SPINK4: variants seen among roughly 807,000 people sequenced by gnomAD.
The protein encoded by SPINK4 is serine peptidase inhibitor Kazal type 4, also known as serine protease inhibitor Kazal-type 4.
Under a neutral mutation model 12.3 loss-of-function variants are expected in SPINK4, and 10 were observed. The observed-to-expected ratio is 0.81, with a 90% confidence interval of 0.50 to 1.37. SPINK4 has a LOEUF of 1.37. Among genes scored for constraint, SPINK4 ranks in the 40% most tolerant of loss-of-function variants. The pLI, the probability that SPINK4 is intolerant of heterozygous loss-of-function variation, is 0.00. For synonymous variants in SPINK4, 37 were observed against 40.2 expected (o/e 0.92, Z 0.30); for missense variants, 91 against 109.0 (o/e 0.84, Z 0.73).
In SPINK4 at chr9:33,241,235, A is replaced by T. The variant is rs547024765; in HGVS notation, c.61+966A>T. 5.3e-5 allele frequency among the ~76,000 whole-genome samples: 8 copies of T among 152,160 alleles called. No individual in the cohort carries two copies. The South Asian group carries it at 1.5e-3, about 28-fold the overall frequency. On this transcript the variant is annotated intron_variant, in intron 1 of 3. Coordinates refer to ENST00000379721, the MANE Select transcript of SPINK4 (RefSeq NM_014471.3). ...TGTGGCAGGAGGGGACATTGTACGG[A>T]GTGATAGGAGAGGAGATGAGAGAGG...
intron 2 of SPINK4, among the ~76,000 whole-genome samples, chr9:33,246,346 G>T (rs945622319): frequency 6.6e-6 from 1 of 152,118 alleles, no homozygotes; most frequent in Non-Finnish European, 1.5e-5. Flanking sequence ...ACAGGCATAC[G>T]CTTGAATGCC....
rs755248882 is a variant in SPINK4, at chr9:33,246,679, A to G, written c.166A>G (p.Thr56Ala). 8 of 1,613,896 alleles carry G rather than the reference A, an allele frequency of 5.0e-6. No homozygotes were observed. Among genetic ancestry groups the G allele is most frequent in the Middle Eastern group, 1.6e-4 (1 of 6,084 alleles). ...CCAGATGTCCAACCTGGTCTGCGGC[A>G]CTGATGGGCTCACATATACGAATGA... ...CSQMSNLVCG[T>A]DGLTYTNECQ... The change falls in exon 3 of 4, where the codon ACT becomes GCT. Residue 56 changes from threonine (T) to alanine (A), a missense_variant. Physicochemically the swap from Thr to Ala is moderately conservative, Grantham distance 58 (BLOSUM62 0). Coordinates refer to ENST00000379721, the MANE Select transcript of SPINK4 (RefSeq NM_014471.3).
chr9:33,248,356 T>C lies in SPINK4; in HGVS notation c.216-70T>C, dbSNP rs191525425. 5.9e-4 allele frequency: 908 copies of C among 1,545,234 alleles called. 1 individual carries two copies. Among genetic ancestry groups the C allele is most frequent in the Non-Finnish European group, 7.0e-4 (782 of 1,120,812 alleles). On this transcript the variant is annotated intron_variant, in intron 3 of 3. Transcript: ENST00000379721. Reference sequence around the variant, plus strand: ...CTCAGCAGGATGTCTGGATGGACTGTGCCAGGTCCCTGAATGGTACACTAC... The same window carrying C: ...CTCAGCAGGATGTCTGGATGGACTGCGCCAGGTCCCTGAATGGTACACTAC...
At chr9:33,240,327 G>T in intron 1 of SPINK4, 58 bp downstream of exon 1, 1 of 1,508,662 alleles carries the variant, frequency 6.6e-7, no homozygotes. Flanking sequence ...AGCTTGGGGT[G>T]AGAGCAGAAG....
At chr9:33,248,307 C>A in intron 3 of SPINK4, 119 bp from the exon 4 acceptor site, 1 of 960,808 alleles carries the variant, frequency 1.0e-6, no homozygotes, top group Non-Finnish European at 1.6e-6. Flanking sequence ...GCCCTGTATC[C>A]ATACACTGCA....
In SPINK4 at chr9:33,240,181, G is replaced by A. The variant is rs1375397410; in HGVS notation, c.-28G>A. On this transcript the variant is annotated 5_prime_UTR_variant, in exon 1 of 4. Coordinates refer to ENST00000379721, the MANE Select transcript of SPINK4 (RefSeq NM_014471.3). Reference sequence around the variant, plus strand: ...CTTCCTCAGGCGCAGGCCCCAGCCAGCTCAGGCTACACTATCCCAGGATCA... The same window carrying A: ...CTTCCTCAGGCGCAGGCCCCAGCCAACTCAGGCTACACTATCCCAGGATCA... The A allele has an allele frequency of 3.8e-6, 6 of 1,584,426 alleles. No individual in the cohort carries two copies. Among genetic ancestry groups the A allele is most frequent in the East Asian group, 2.3e-5 (1 of 42,646 alleles).
In SPINK4 at chr9:33,245,153, G is replaced by GT. The variant is rs750152303; in HGVS notation, c.102+2dup. The GT allele has an allele frequency of 1.9e-6, 3 of 1,613,420 alleles. No individual in the cohort carries two copies. ...AGGAAAGCTCCCTTTCTCAAGAATG[G>GT]TAAGGCAGCTGCGTGTTGTTCTCAC... On this transcript the variant is annotated splice_donor_variant, in intron 2 of 3. Coordinates refer to ENST00000379721, the MANE Select transcript of SPINK4 (RefSeq NM_014471.3). LOFTEE classifies it high-confidence loss of function.
chr9:33,243,549 TTG>T (rs768479134), intron 1 of SPINK4, among the ~76,000 whole-genome samples: 27 of 152,204 alleles, frequency 1.8e-4, no homozygotes, highest in Admixed American at 3.3e-4. Context: ...ATATAATCTT[TTG>T]TGTGTGGTTT....
intron 2 of SPINK4, among the ~76,000 whole-genome samples, chr9:33,246,239 G>C (rs1271445982): frequency 8.2e-6 from 1 of 121,948 alleles, no homozygotes; most frequent in Non-Finnish European, 1.6e-5. Context: ...TCTTCAATGG[G>C]ACCAGCAGAA....
At chr9:33,248,277 C>G in intron 3 of SPINK4, 149 bp from the exon 4 acceptor site, 1 of 698,538 alleles carries the variant, frequency 1.4e-6, no homozygotes. Context: ...GAAGGATGTG[C>G]CCATGGACCC....
chr9:33,240,381 C>T, intron 1 of SPINK4, 112 bp downstream of exon 1: 1 of 936,506 alleles, frequency 1.1e-6, no homozygotes, highest in South Asian at 1.9e-5. Flanking sequence ...TTTCCATGTA[C>T]CTTCATTCTG....
In SPINK4 at chr9:33,248,460, GGCAAAT is replaced by G. The variant is rs1240446293; in HGVS notation, c.253_258del (p.Lys85_Cys86del). On this transcript the variant is annotated inframe_deletion, in exon 4 of 4. Coordinates refer to ENST00000379721, the MANE Select transcript of SPINK4 (RefSeq NM_014471.3). The stretch of plus-strand genomic sequence containing the variant: ...ACAGGACATCCAGATCATGAAAGAT[GGCAAAT>G]GCTGATCCCACAGGAGCACCTCAAG... The G allele has an allele frequency of 6.2e-7, 1 of 1,613,968 alleles. No homozygotes were observed. The highest frequency in any genetic ancestry group is 1.3e-5 in the African/African-American group (1 of 74,922).
At position 33,246,771 on chromosome 9, in the gene SPINK4, T is replaced by A. The variant is rs1253545283; in HGVS notation, c.215+43T>A. ...CCCCTGCTTGCTTGGGTGGGCCCCATCTCTGGTGCACAGTCTGAAAGGAGC... is the reference window on the plus strand; with the variant it reads ...CCCCTGCTTGCTTGGGTGGGCCCCAACTCTGGTGCACAGTCTGAAAGGAGC... On this transcript the variant is annotated intron_variant, in intron 3 of 3. Transcript: ENST00000379721. 4 of 1,558,166 alleles carry A rather than the reference T, an allele frequency of 2.6e-6. No homozygotes were observed. The African/African-American group carries it at 5.4e-5, about 21-fold the overall frequency.
intron 3 of SPINK4, 70 bp downstream of exon 3, chr9:33,246,798 A>G: frequency 7.4e-7 from 1 of 1,348,222 alleles, no homozygotes; most frequent in Non-Finnish European, 1.1e-6. Context: ...GAAAGGAGCA[A>G]GACTTGACCT....
intron 1 of SPINK4, among the ~76,000 whole-genome samples, chr9:33,242,480 C>T (rs1210755869): frequency 6.6e-6 from 1 of 152,016 alleles, no homozygotes. Flanking sequence ...CAATCTAGGA[C>T]CCGTGAGCAG....
rs1820217250 is a variant in SPINK4 at position 33,240,180 on chromosome 9, A to T, written c.-29A>T. ...CCTTCCTCAGGCGCAGGCCCCAGCC[A>T]GCTCAGGCTACACTATCCCAGGATC... is the stretch of plus-strand genomic sequence containing the variant. On this transcript the variant is annotated 5_prime_UTR_variant, in exon 1 of 4. Coordinates refer to ENST00000379721, the MANE Select transcript of SPINK4 (RefSeq NM_014471.3). 1.9e-6 allele frequency: 3 copies of T among 1,579,154 alleles called. No individual in the cohort carries two copies. The South Asian group carries it at 3.5e-5, about 18-fold the overall frequency.
intron 1 of SPINK4, among the ~76,000 whole-genome samples, chr9:33,244,783 T>C (rs1820269874): frequency 6.6e-6 from 1 of 152,220 alleles, no homozygotes. Context: ...GTTAAAATCA[T>C]GTGTTCTCAA....
chr9:33,243,167 G>A (rs1174294619), intron 1 of SPINK4, among the ~76,000 whole-genome samples: 3 of 152,032 alleles, frequency 2.0e-5, no homozygotes, highest in Non-Finnish European at 4.4e-5. Context: ...TCTGCCTACT[G>A]GGTTCAAGTG....
At position 33,245,141 on chromosome 9, in the gene SPINK4, T is replaced by C; in HGVS notation, c.91T>C (p.Phe31Leu). ...EVPVAAGKLP[F>L]SRMPICEHMV... Reference sequence around the variant, plus strand: ...GCCAGTGGCAGCAGGAAAGCTCCCTTTCTCAAGAATGGTAAGGCAGCTGCG... The same window carrying C: ...GCCAGTGGCAGCAGGAAAGCTCCCTCTCTCAAGAATGGTAAGGCAGCTGCG... The change falls in exon 2 of 4, where the codon TTC becomes CTC. Residue 31 changes from phenylalanine (F) to leucine (L), a missense_variant. By Grantham distance (22) the Phe-to-Leu change is conservative. Transcript: ENST00000379721. 1 of 1,613,780 alleles carries C rather than the reference T, an allele frequency of 6.2e-7. No individual in the cohort carries two copies. The highest frequency in any genetic ancestry group is 8.5e-7 in the Non-Finnish European group (1 of 1,179,864).
Sources: gnomAD v4.1 joint callset for allele counts (sites outside exome capture counted in the v4.1 genomes callset) on GRCh38, gnomAD v4.1.1 for gene constraint, MANE v1.5 for transcripts, NCBI Gene and HGNC (gene_info 2026-07-23, HGNC 2026-07-21) for gene names.